The following PKHD1L1 variants were observed in gnomAD, a reference collection of about 807,000 sequenced individuals.
PKHD1L1 encodes fibrocystin-L.
A neutral mutation model predicts 462.9 loss-of-function variants in PKHD1L1; 434 were observed. That is an observed-to-expected ratio of 0.94 (90% CI 0.87 to 1.02). The LOEUF (loss-of-function observed/expected upper bound fraction) is 1.02. Ranked by LOEUF, PKHD1L1 falls within the 50% of genes least tolerant of loss-of-function variation. The probability of loss-of-function intolerance (pLI) is 0.00; values close to 1 mark genes in which losing one functional copy is unlikely to be tolerated. For synonymous variants in PKHD1L1, 1,781 were observed against 1,750.0 expected (o/e 1.02, Z -0.44); for missense variants, 5,202 against 5,096.1 (o/e 1.02, Z -0.63).
In PKHD1L1 at chr8:109,504,337, T is replaced by G. The variant is rs1819583517; in HGVS notation, c.10839T>G (p.Phe3613Leu). 3 of 1,435,000 alleles carry G rather than the reference T, an allele frequency of 2.1e-6. No individual in the cohort carries two copies. The Admixed American group carries it at 7.5e-5, about 36-fold the overall frequency. 88.9% of individuals were successfully genotyped at this position (1,435,000 alleles called of 1,614,324 possible). Reference protein sequence around the residue: ...SGLLDISGSTFVGFKNVCSGE... With the variant: ...SGLLDISGSTLVGFKNVCSGE... Reference sequence around the variant, plus strand: ...TTATTTATGTTTTAGGTTCAACATTTGTTGGATTTAAGAATGTTTGTTCAG... The same window carrying G: ...TTATTTATGTTTTAGGTTCAACATTGGTTGGATTTAAGAATGTTTGTTCAG... The change falls in exon 68 of 78, where the codon TTT (phenylalanine) becomes TTG (leucine). Residue 3613 changes from phenylalanine to leucine, a missense_variant. Physicochemically the swap from Phe to Leu is conservative, Grantham distance 22. Coordinates refer to ENST00000378402, the MANE Select transcript of PKHD1L1 (RefSeq NM_177531.6).
intron 38 of PKHD1L1, among the ~76,000 whole-genome samples, chr8:109,446,746 T>A (rs1365551558): frequency 2.0e-5 from 3 of 152,180 alleles, no homozygotes; most frequent in African/African-American, 4.8e-5. Flanking sequence ...CCTTTGAATT[T>A]TTTTTTTCAA....
In PKHD1L1 at chr8:109,365,584, A is replaced by T. The variant is rs116356784; in HGVS notation, c.163+948A>T. Among the ~76,000 whole-genome samples the T allele has an allele frequency of 9.5e-3, 1,451 of 152,332 alleles. 19 individuals are homozygous for T. The highest frequency in any genetic ancestry group is 0.033 in the African/African-American group (1,369 of 41,576). On this transcript the variant is annotated intron_variant, in intron 2 of 77. Transcript: ENST00000378402. ...ATATTATTCATATATCTTTAACCATATGTTTCTTATATTGTAAATTGCTGA... is the reference window on the plus strand; with the variant it reads ...ATATTATTCATATATCTTTAACCATTTGTTTCTTATATTGTAAATTGCTGA...
At position 109,408,179 on chromosome 8, in the gene PKHD1L1, A is replaced by G. The variant is rs138117260; in HGVS notation, c.1944A>G (p.Pro648=). ...ATTGGGATGGGATCGCTTCTAAGCC[A>G]CTCACTCTATGGTCATCAGAAGCTG... ...TLNWDGIASK[P]LTLWSSEAEF... is the part of the protein sequence containing the mutation. Residue 648 remains proline, a synonymous_variant, in exon 18 of 78, where the codon CCA becomes CCG. Coordinates refer to ENST00000378402, the MANE Select transcript of PKHD1L1 (RefSeq NM_177531.6). The G allele has an allele frequency of 2.4e-4, 389 of 1,612,590 alleles. 1 individual carries two copies. In the African/African-American group the frequency reaches 4.5e-3, roughly 19 times the overall value.
rs746822975 is a variant in PKHD1L1 at position 109,481,420 on chromosome 8, T to G, written c.9328-13T>G. 1 of 1,567,278 alleles carries G rather than the reference T, an allele frequency of 6.4e-7. No homozygotes were observed. On this transcript the variant is annotated splice_polypyrimidine_tract_variant and intron_variant, in intron 55 of 77. Coordinates refer to ENST00000378402, the MANE Select transcript of PKHD1L1 (RefSeq NM_177531.6). ...CAATTTTTAAGTATTAACAATTTTC[T>G]GCTTCATTTCAGGGAGGTAGATTAA...
At chr8:109,363,710 T>C (rs1367846027) in intron 1 of PKHD1L1, among the ~76,000 whole-genome samples, 1 of 152,228 alleles carries the variant, frequency 6.6e-6, no homozygotes, top group African/African-American at 2.4e-5. Context: ...CAATCCTGTT[T>C]GCCCGGGCAG....
At chr8:109,480,163 T>G in intron 55 of PKHD1L1, 24 bp downstream of exon 55, 2 of 1,515,328 alleles carry the variant, frequency 1.3e-6, no homozygotes, top group Non-Finnish European at 1.8e-6. Context: ...CCTTGTAGTT[T>G]ATATCTTTAT....
intron 46 of PKHD1L1, 111 bp downstream of exon 46, chr8:109,456,502 C>G: frequency 9.1e-7 from 1 of 1,097,200 alleles, no homozygotes; most frequent in Non-Finnish European, 1.2e-6. Context: ...CTTGAAATCT[C>G]TAATAAAGAA....
intron 76 of PKHD1L1, among the ~76,000 whole-genome samples, chr8:109,525,806 G>A (rs1229049277): frequency 6.6e-6 from 1 of 152,148 alleles, no homozygotes. Flanking sequence ...GGAATTGTCA[G>A]TGACAGAAAA....
chr8:109,387,791 G>A (rs1204486200), intron 6 of PKHD1L1, among the ~76,000 whole-genome samples: 1 of 152,122 alleles, frequency 6.6e-6, no homozygotes, highest in Non-Finnish European at 1.5e-5. Context: ...GTTCAAGTTT[G>A]TATCTGGCCT....
rs1297240376 is a variant in PKHD1L1, at chr8:109,413,322, T to C, written c.2236-99T>C. On this transcript the variant is annotated intron_variant, in intron 20 of 77. Transcript: ENST00000378402. ...GTTCTGGTACGTTTTATGTAGAAAA[T>C]GCTCAATAAATATTTATTGACTTTG... The C allele has an allele frequency of 8.4e-6, 7 of 831,624 alleles. No individual in the cohort carries two copies. In the East Asian group the frequency reaches 2.3e-4, roughly 27 times the overall value. The allele number at this position is 831,624 out of a possible 1,614,324, so 51.5% of individuals were successfully genotyped here. A position where few individuals can be genotyped will look rare whatever the true frequency, so the allele number is the denominator to read the frequency against.
At chr8:109,364,809 T>C (rs1811152086) in intron 2 of PKHD1L1, among the ~76,000 whole-genome samples, 173 bp downstream of exon 2, 2 of 152,004 alleles carry the variant, frequency 1.3e-5, no homozygotes. Flanking sequence ...TCCCCAAGAG[T>C]CTTTATCAAC....
intron 23 of PKHD1L1, among the ~76,000 whole-genome samples, chr8:109,423,005 T>C (rs189087575): frequency 4.2e-4 from 64 of 152,328 alleles, no homozygotes; most frequent in African/African-American, 1.4e-3. Context: ...ATTTGCCACC[T>C]ACATATCTTC....
Position 109,436,440 on chromosome 8 carries a change from T to C in PKHD1L1, c.3608T>C (p.Ile1203Thr). Residue 1203 changes from isoleucine (I) to threonine (T), a missense_variant, in exon 30 of 78, where the codon ATA (isoleucine) becomes ACA (threonine). Physicochemically the swap from Ile to Thr is moderately conservative, Grantham distance 89. Around this residue, in one of 3 missense-constraint regions of PKHD1L1, gnomAD observed 4,497 missense variants for 4,336.8 expected, o/e 1.04. Transcript: ENST00000378402. The stretch of plus-strand genomic sequence containing the variant: ...GTGATTGAAGGGGATTTGAATAGGA[T>C]AACCTGCAGGACACCAAAAGTAAGG... Reference protein sequence around the residue: ...CNVIEGDLNRITCRTPKKTEG... With the variant: ...CNVIEGDLNRTTCRTPKKTEG... 6.2e-7 allele frequency: 1 copy of C among 1,613,154 alleles called. No homozygotes were observed. Among genetic ancestry groups the C allele is most frequent in the Non-Finnish European group, 8.5e-7 (1 of 1,179,652 alleles).
At chr8:109,469,311 A>G (rs1293798417) in intron 50 of PKHD1L1, among the ~76,000 whole-genome samples, 2 of 152,134 alleles carry the variant, frequency 1.3e-5, no homozygotes, top group Admixed American at 6.6e-5. Flanking sequence ...GAAGGGAAGG[A>G]ACAGTTACAT....
At chr8:109,402,652 G>A (rs1453163348) in intron 14 of PKHD1L1, among the ~76,000 whole-genome samples, 1 of 152,142 alleles carries the variant, frequency 6.6e-6, no homozygotes, top group African/African-American at 2.4e-5. Flanking sequence ...AAAGCAAGTG[G>A]CCAAGCCTAG....
intron 4 of PKHD1L1, 85 bp from the exon 5 acceptor site, chr8:109,383,985 T>C (rs1010129838): frequency 1.1e-6 from 1 of 893,880 alleles, no homozygotes; most frequent in Admixed American, 1.9e-5. Flanking sequence ...ATTGTTGAAA[T>C]TTAGTAATGT....
rs1003187627 is a variant in PKHD1L1 at position 109,440,791 on chromosome 8, T to G, written c.4038T>G (p.Thr1346=). ...AAAGAGGCTCCTTGTTTGGTGGAAC[T>G]GAAATCACCATAAGGGGTTTTGGAT... is the stretch of plus-strand genomic sequence containing the variant. ...FPQRGSLFGG[T]EITIRGFGFS... is the part of the protein sequence containing the mutation. Residue 1346 remains threonine, a synonymous_variant, in exon 33 of 78, where the codon ACT becomes ACG. Transcript: ENST00000378402. 6.2e-7 allele frequency: 1 copy of G among 1,613,110 alleles called. No homozygotes were observed. Among genetic ancestry groups the G allele is most frequent in the Non-Finnish European group, 8.5e-7 (1 of 1,179,378 alleles).
chr8:109,368,129 T>C (rs919412873), intron 2 of PKHD1L1, among the ~76,000 whole-genome samples: 4 of 152,364 alleles, frequency 2.6e-5, no homozygotes, highest in Non-Finnish European at 4.4e-5. Context: ...CTTGTATTTC[T>C]CAATTGTTTT....
chr8:109,416,460 A>C (rs1032434163), intron 21 of PKHD1L1, among the ~76,000 whole-genome samples: 1 of 152,194 alleles, frequency 6.6e-6, no homozygotes, highest in Non-Finnish European at 1.5e-5. Flanking sequence ...AATTCTTCCA[A>C]TCCATGAACA....
Sources: allele counts gnomAD v4.1 joint callset (sites outside exome capture counted in the v4.1 genomes callset), GRCh38; gene constraint gnomAD v4.1.1; regional missense constraint gnomAD v4.1.1; transcripts MANE v1.5; gene names NCBI Gene and HGNC (gene_info 2026-07-23, HGNC 2026-07-21).